Variants in STAC3 observed in about 807,000 individuals in gnomAD.
STAC3 encodes the protein SH3 and cysteine-rich domain-containing protein 3.
In STAC3, 30 loss-of-function variants were observed where a neutral mutation model predicts 48.5. That is an observed-to-expected ratio of 0.62 (90% CI 0.46 to 0.84). The LOEUF (loss-of-function observed/expected upper bound fraction) is 0.84. Among genes scored for constraint, STAC3 ranks in the 40% least tolerant of loss-of-function variants. STAC3 has a pLI of 0.00. For synonymous variants in STAC3, 144 were observed against 158.6 expected (o/e 0.91, Z 0.69); for missense variants, 419 against 462.6 (o/e 0.91, Z 0.86).
In STAC3 at chr12:57,251,070, A is replaced by G. The variant is rs530887821; in HGVS notation, c.-79T>C. The G allele has an allele frequency of 3.6e-5, 16 of 438,626 alleles. No homozygotes were observed. The East Asian group carries it at 9.3e-4, about 26-fold the overall frequency. The allele number at this position is 438,626 out of a possible 1,614,324, so 27.2% of individuals were successfully genotyped here. A position where few individuals can be genotyped will look rare whatever the true frequency, so the allele number is the denominator to read the frequency against. ...GAGGCCTTGATGGTGGTGCTGGGGA[A>G]AAACTGGTCCTCTTCCTTGGGGGCT... On this transcript the variant is annotated 5_prime_UTR_variant, in exon 1 of 12. Transcript: ENST00000332782.
intron 6 of STAC3, among the ~76,000 whole-genome samples, chr12:57,245,619 C>T (rs540763073): frequency 4.5e-4 from 68 of 152,228 alleles, no homozygotes; most frequent in Admixed American, 2.0e-3. Flanking sequence ...ATCCACCAGC[C>T]TCGGCCTCCC....
intron 1 of STAC3, among the ~76,000 whole-genome samples, chr12:57,250,662 T>C (rs1006360140): frequency 1.3e-5 from 2 of 152,168 alleles, no homozygotes; most frequent in East Asian, 1.9e-4. Flanking sequence ...CAAGGAAGGA[T>C]GGACTGGAGA....
At position 57,248,410 on chromosome 12, in the gene STAC3, G is replaced by C. The variant is rs948315403; in HGVS notation, c.433-212C>G. On this transcript the variant is annotated intron_variant, in intron 4 of 11. Coordinates refer to ENST00000332782, the MANE Select transcript of STAC3 (RefSeq NM_145064.3). ...TTTTTTTTTTTTGAGACGGAGTCTC[G>C]CTCTGTCACCCAGGCTGGAGTGCAG... 31 of 557,510 alleles carry C rather than the reference G, an allele frequency of 5.6e-5. No homozygotes were observed. In the South Asian group the frequency reaches 6.4e-4, roughly 11 times the overall value. The allele number at this position is 557,510 out of a possible 1,614,324, so 34.5% of individuals were successfully genotyped here. A position where few individuals can be genotyped will look rare whatever the true frequency, so the allele number is the denominator to read the frequency against.
chr12:57,248,738 AGGACTGACAGTGTTCAT>A lies in STAC3; in HGVS notation c.383_399del (p.His128LeufsTer20), dbSNP rs1555194630. The A allele has an allele frequency of 1.2e-5, 20 of 1,613,954 alleles. No individual in the cohort carries two copies. In the East Asian group the frequency reaches 4.5e-4, roughly 36 times the overall value. On this transcript the variant is annotated frameshift_variant, in exon 4 of 12. Transcript: ENST00000332782. LOFTEE classifies it high-confidence loss of function. The stretch of plus-strand genomic sequence containing the variant: ...CCGAAGCATCTCTGCATTTCCACAT[AGGACTGACAGTGTTCAT>A]GGATGTTGGTTTTGCAGTTCTTACA...
Position 57,243,549 on chromosome 12 carries a change from G to T in STAC3, c.*263C>A. 3.0e-6 allele frequency: 2 copies of T among 665,276 alleles called. No homozygotes were observed. The highest frequency in any genetic ancestry group is 5.5e-6 in the Non-Finnish European group (2 of 363,904). 41.2% of individuals were successfully genotyped at this position (665,276 alleles called of 1,614,324 possible). ...CCGCCCCAGTCCCTGGCTCCTCCTA[G>T]TAGATACGCGTTTTTTTCCAGCTCT... On this transcript the variant is annotated 3_prime_UTR_variant, in exon 12 of 12. Transcript: ENST00000332782.
At position 57,248,686 on chromosome 12, in the gene STAC3, GCTCTCCACAGCCTA is replaced by G; in HGVS notation, c.432+6_432+19del. 1 of 1,597,306 alleles carries G rather than the reference GCTCTCCACAGCCTA, an allele frequency of 6.3e-7. No homozygotes were observed. The highest frequency in any genetic ancestry group is 8.5e-7 in the Non-Finnish European group (1 of 1,171,082). Reference sequence around the variant, plus strand: ...CCACGCGTGGCCATGTCCCCTCCTTGCTCTCCACAGCCTACTCACGATCTTGCCGAAGCATCTCT... The same window carrying G: ...CCACGCGTGGCCATGTCCCCTCCTTGCTCACGATCTTGCCGAAGCATCTCT... On this transcript the variant is annotated splice_donor_region_variant and intron_variant, in intron 4 of 11. Transcript: ENST00000332782.
rs1348188142 is a variant in STAC3 at position 57,243,740 on chromosome 12, C to T, written c.*72G>A. 1 of 1,432,482 alleles carries T rather than the reference C, an allele frequency of 7.0e-7. No homozygotes were observed. Among genetic ancestry groups the T allele is most frequent in the Non-Finnish European group, 9.7e-7 (1 of 1,026,236 alleles). 88.7% of individuals were successfully genotyped at this position (1,432,482 alleles called of 1,614,324 possible). ...TCCCAGCAGTCCCGTTGCTTTCGCC[C>T]CCCTCCCCAAACTCCACTGGGCCCG... On this transcript the variant is annotated 3_prime_UTR_variant, in exon 12 of 12. Transcript: ENST00000332782.
At chr12:57,244,749 G>A (rs2037690839) in intron 8 of STAC3, 127 bp from the exon 9 acceptor site, 1 of 1,402,394 alleles carries the variant, frequency 7.1e-7, no homozygotes, top group Admixed American at 1.8e-5. Context: ...TGAACTGAGA[G>A]AAGTGTTTTG....
In STAC3 at chr12:57,244,236, T is replaced by C. The variant is rs765676634; in HGVS notation, c.859-11A>G. 7 of 1,614,168 alleles carry C rather than the reference T, an allele frequency of 4.3e-6. No homozygotes were observed. Among genetic ancestry groups the C allele is most frequent in the Non-Finnish European group, 4.2e-6 (5 of 1,180,032 alleles). ...CTCCCCGATTTTCCCCTAGGGAAGA[T>C]AGTAGGGAGAGTCCATCTCTCAATG... On this transcript the variant is annotated splice_polypyrimidine_tract_variant and intron_variant, in intron 10 of 11. Coordinates refer to ENST00000332782, the MANE Select transcript of STAC3 (RefSeq NM_145064.3).
At chr12:57,247,277 T>C (rs1241666986) in intron 5 of STAC3, among the ~76,000 whole-genome samples, 3 of 152,152 alleles carry the variant, frequency 2.0e-5, no homozygotes, top group African/African-American at 7.2e-5. Context: ...CTAAATGGCA[T>C]GTGTAAGCTG....
In STAC3 at chr12:57,248,194, GGTGGCT is replaced by G; in HGVS notation, c.433-2_436del. On this transcript the variant is annotated splice_acceptor_variant and coding_sequence_variant, in exon 5 of 12. Coordinates refer to ENST00000332782, the MANE Select transcript of STAC3 (RefSeq NM_145064.3). LOFTEE classifies it high-confidence loss of function. ...GGAACTATAGGCCCGATGGAAACCA[GGTGGCT>G]GTAGGATGGGATGAGAGGAAGCATT... 6.2e-7 allele frequency: 1 copy of G among 1,613,790 alleles called. No individual in the cohort carries two copies. The highest frequency in any genetic ancestry group is 8.5e-7 in the Non-Finnish European group (1 of 1,179,684).
In STAC3 at chr12:57,249,760, C is replaced by T. The variant is rs115674317; in HGVS notation, c.-1-123G>A. 2.9e-3 allele frequency: 2,932 copies of T among 997,020 alleles called. 62 individuals are homozygous for T. In the African/African-American group the frequency reaches 0.042, roughly 14 times the overall value. 61.8% of individuals were successfully genotyped at this position (997,020 alleles called of 1,614,324 possible). A position where few individuals can be genotyped will look rare whatever the true frequency, so the allele number is the denominator to read the frequency against. ...CGGAGAAATGTGATGAGAGATTTTG[C>T]TGTTGTTACTGTTGAGATGGGGTCT... On this transcript the variant is annotated intron_variant, in intron 1 of 11. Transcript: ENST00000332782.
chr12:57,244,528 G>A lies in STAC3; in HGVS notation c.806+9C>T. On this transcript the variant is annotated intron_variant, in intron 9 of 11. Coordinates refer to ENST00000332782, the MANE Select transcript of STAC3 (RefSeq NM_145064.3). Reference sequence around the variant, plus strand: ...CGCAGTACCAGCCCCCTGCCCCAAGGCCTCTCACGGGAAATCCAGATCGTC... The same window carrying A: ...CGCAGTACCAGCCCCCTGCCCCAAGACCTCTCACGGGAAATCCAGATCGTC... 6.2e-7 allele frequency: 1 copy of A among 1,614,114 alleles called. No individual in the cohort carries two copies. Among genetic ancestry groups the A allele is most frequent in the Non-Finnish European group, 8.5e-7 (1 of 1,179,996 alleles).
At chr12:57,249,543 C>A (rs765525103) in intron 2 of STAC3, 28 bp downstream of exon 2, 6 of 1,603,936 alleles carry the variant, frequency 3.7e-6, no homozygotes, top group South Asian at 1.1e-5. Flanking sequence ...CAGCCCCCCA[C>A]ACCCAGTGGT....
At chr12:57,244,390 C>T in intron 9 of STAC3, 24 bp from the exon 10 acceptor site, 1 of 1,614,038 alleles carries the variant, frequency 6.2e-7, no homozygotes, top group Non-Finnish European at 8.5e-7. Context: ...GGAGGGGCCT[C>T]ACTCACATAG....
rs1488479214 is a variant in STAC3 at position 57,243,559 on chromosome 12, G to A, written c.*253C>T. The A allele has an allele frequency of 1.5e-6, 1 of 674,480 alleles. No homozygotes were observed. The highest frequency in any genetic ancestry group is 2.7e-6 in the Non-Finnish European group (1 of 369,928). 41.8% of individuals were successfully genotyped at this position (674,480 alleles called of 1,614,324 possible). A position where few individuals can be genotyped will look rare whatever the true frequency, so the allele number is the denominator to read the frequency against. On this transcript the variant is annotated 3_prime_UTR_variant, in exon 12 of 12. Coordinates refer to ENST00000332782, the MANE Select transcript of STAC3 (RefSeq NM_145064.3). Reference sequence around the variant, plus strand: ...CCCTGGCTCCTCCTAGTAGATACGCGTTTTTTTCCAGCTCTTGCAAGCGGG... The same window carrying A: ...CCCTGGCTCCTCCTAGTAGATACGCATTTTTTTCCAGCTCTTGCAAGCGGG...
intron 6 of STAC3, among the ~76,000 whole-genome samples, chr12:57,246,014 C>T (rs1228865388): frequency 6.8e-6 from 1 of 147,624 alleles, no homozygotes; most frequent in African/African-American, 2.5e-5. Context: ...GAGGCTGAGG[C>T]AGGATAATCG....
At chr12:57,248,592 C>G in intron 4 of STAC3, 114 bp downstream of exon 4, 1 of 789,230 alleles carries the variant, frequency 1.3e-6, no homozygotes. Flanking sequence ...CCAGGATGGT[C>G]TCGATCTCCT....
At position 57,249,557 on chromosome 12, in the gene STAC3, A is replaced by AGAGT; in HGVS notation, c.66+13_66+14insACTC. 6.2e-7 allele frequency: 1 copy of AGAGT among 1,613,752 alleles called. No homozygotes were observed. On this transcript the variant is annotated intron_variant, in intron 2 of 11. Transcript: ENST00000332782. ...CCAGCCCCCCACACCCAGTGGTCAG[A>AGAGT]GGCCCAGACTCACCCCACTTTGCCG... is the stretch of plus-strand genomic sequence containing the variant.
Sources: allele counts gnomAD v4.1 joint callset (sites outside exome capture counted in the v4.1 genomes callset), GRCh38; gene constraint gnomAD v4.1.1; transcripts MANE v1.5; gene names NCBI Gene and HGNC (gene_info 2026-07-23, HGNC 2026-07-21).